Variants in KLHL41 observed in about 807,000 individuals in gnomAD.
The protein encoded by KLHL41 is kelch-like protein 41.
In KLHL41, 31 loss-of-function variants were observed where a neutral mutation model predicts 49.2. The observed-to-expected ratio is 0.63, with a 90% CI of 0.47 to 0.85. The LOEUF (loss-of-function observed/expected upper bound fraction) is 0.85. Ranked by LOEUF, KLHL41 falls within the 40% of genes least tolerant of loss-of-function variation. The pLI is 0.00. For missense variants in KLHL41, 663 were observed against 726.7 expected (o/e 0.91, Z 1.01); for synonymous variants, 218 against 258.5 (o/e 0.84, Z 1.50).
Position 169,518,245 on chromosome 2 carries a change from C to T in KLHL41, c.1432C>T (p.Leu478=), listed in dbSNP as rs911390630. 1.9e-6 allele frequency: 3 copies of T among 1,613,966 alleles called. No homozygotes were observed. The highest frequency in any genetic ancestry group is 2.5e-6 in the Non-Finnish European group (3 of 1,179,872). The part of the protein sequence containing the change: ...FNPKKGDWKD[L]APMKIPRSMF... Reference sequence around the variant, plus strand: ...CCCCAAAAAAGGAGATTGGAAAGATCTGGCTCCAATGAAAATTCCTCGTTC... The same window carrying T: ...CCCCAAAAAAGGAGATTGGAAAGATTTGGCTCCAATGAAAATTCCTCGTTC... The change falls in exon 4 of 6, where the codon CTG becomes TTG. Residue 478 remains leucine (L), a synonymous_variant. Transcript: ENST00000284669.
chr2:169,518,620 T>G (rs974210357), intron 4 of KLHL41, among the ~76,000 whole-genome samples: 1 of 152,222 alleles, frequency 6.6e-6, no homozygotes, highest in Non-Finnish European at 1.5e-5. Flanking sequence ...GTTGTCATGC[T>G]CTATTTGTCC....
In KLHL41 at chr2:169,525,687, T is replaced by C; in HGVS notation, c.1812T>C (p.Ser604=). Reference sequence around the variant, plus strand: ...CACGTTTAAATCTCTTCAAACTGTCTAAACTGTGAACAAGGTGACAAAACA... The same window carrying C: ...CACGTTTAAATCTCTTCAAACTGTCCAAACTGTGAACAAGGTGACAAAACA... ...LATRLNLFKL[S]KL is the part of the protein sequence containing the mutation. The change falls in exon 6 of 6, where the codon TCT becomes TCC. Residue 604 remains serine (S), a synonymous_variant. Coordinates refer to ENST00000284669, the MANE Select transcript of KLHL41 (RefSeq NM_006063.3). 1.3e-6 allele frequency: 2 copies of C among 1,593,922 alleles called. No homozygotes were observed. Among genetic ancestry groups the C allele is most frequent in the Admixed American group, 1.7e-5 (1 of 59,958 alleles).
Position 169,514,940 on chromosome 2 carries a change from T to C in KLHL41, c.1355T>C (p.Leu452Pro). 1 of 1,603,754 alleles carries C rather than the reference T, an allele frequency of 6.2e-7. No individual in the cohort carries two copies. ...TCACATAAAGGGATGATATATTGTC[T>C]AGGAGGAAAGACAGATGACAAGTAA... The part of the protein sequence containing the change: ...VISHKGMIYC[L>P]GGKTDDKKCT... Residue 452 changes from leucine (L) to proline (P), a missense_variant, in exon 3 of 6, where the codon CTA (leucine) becomes CCA (proline). By Grantham distance (98) the Leu-to-Pro change is moderately conservative (BLOSUM62 -3). Around this residue, in one of 3 missense-constraint regions of KLHL41, gnomAD observed 528 missense variants for 581.0 expected, o/e 0.91. Transcript: ENST00000284669.
In KLHL41 at chr2:169,520,192, GTGTGTGTGTGTGT is replaced by G. The variant is rs1574353429; in HGVS notation, c.1563-668_1563-656del. Among the ~76,000 whole-genome samples, 5 of 145,852 alleles carry G rather than the reference GTGTGTGTGTGTGT, an allele frequency of 3.4e-5. No homozygotes were observed. The East Asian group carries it at 8.1e-4, about 24-fold the overall frequency. Reference sequence around the variant, plus strand: ...TGTGTGTGTGTGTGTGTGTGTGTGTGTGTGTGTGTGTGTGTGTAGACAGTCCATTTTGTTGCCC... The same window carrying G: ...TGTGTGTGTGTGTGTGTGTGTGTGTGGTGTAGACAGTCCATTTTGTTGCCC... On this transcript the variant is annotated intron_variant, in intron 4 of 5. Transcript: ENST00000284669.
At chr2:169,519,459 TAAG>T (rs1314816546) in intron 4 of KLHL41, among the ~76,000 whole-genome samples, 1 of 152,192 alleles carries the variant, frequency 6.6e-6, no homozygotes, top group Non-Finnish European at 1.5e-5. Context: ...TGATGTAAGT[TAAG>T]AAGCAACACA....
At chr2:169,517,519 A>G (rs1394551701) in intron 3 of KLHL41, among the ~76,000 whole-genome samples, 4 of 152,204 alleles carry the variant, frequency 2.6e-5, no homozygotes, top group Non-Finnish European at 4.4e-5. Flanking sequence ...TGGGAGGATC[A>G]CTTGAGCCCT....
intron 3 of KLHL41, among the ~76,000 whole-genome samples, chr2:169,517,490 G>C (rs576573892): frequency 1.3e-5 from 2 of 152,220 alleles, no homozygotes; most frequent in Non-Finnish European, 2.9e-5. Context: ...TGTGTTCCCA[G>C]CTACCTGGGA....
At chr2:169,513,518 T>C (rs1008963715) in intron 1 of KLHL41, among the ~76,000 whole-genome samples, 2 of 152,214 alleles carry the variant, frequency 1.3e-5, no homozygotes, top group Non-Finnish European at 1.5e-5. Context: ...AGAATGCACA[T>C]GTGGAGATTA....
chr2:169,522,993 G>GA (rs1684224506), intron 5 of KLHL41, among the ~76,000 whole-genome samples: 3 of 151,702 alleles, frequency 2.0e-5, no homozygotes. Flanking sequence ...ACAGTGCTGG[G>GA]ATTACAGGCG....
rs1574353852 is a variant in KLHL41 at position 169,520,841 on chromosome 2, A to G, written c.1563-20A>G. 8 of 1,560,046 alleles carry G rather than the reference A, an allele frequency of 5.1e-6. No homozygotes were observed. The highest frequency in any genetic ancestry group is 4.5e-5 in the East Asian group (2 of 44,606). On this transcript the variant is annotated intron_variant, in intron 4 of 5. Transcript: ENST00000284669. ...CATTTCTTTAAGTTTTACATTGACT[A>G]TATTTTTAATGATACCTAGATGGGA...
At chr2:169,519,304 ATAT>A (rs1330839211) in intron 4 of KLHL41, among the ~76,000 whole-genome samples, 4 of 152,290 alleles carry the variant, frequency 2.6e-5, no homozygotes, top group East Asian at 1.9e-4. Flanking sequence ...AAAAAGAGAA[ATAT>A]TATTACTTTT....
chr2:169,514,532 T>C, intron 1 of KLHL41, 42 bp from the exon 2 acceptor site: 1 of 1,565,868 alleles, frequency 6.4e-7, no homozygotes, highest in Non-Finnish European at 8.7e-7. Context: ...TTCTAATTTT[T>C]TTCTAACAGG....
At chr2:169,520,461 T>C (rs893481821) in intron 4 of KLHL41, among the ~76,000 whole-genome samples, 3 of 149,276 alleles carry the variant, frequency 2.0e-5, no homozygotes, top group African/African-American at 7.5e-5. Flanking sequence ...TGAATATTTA[T>C]TTTTTATTTA....
chr2:169,516,293 G>A (rs951256045), intron 3 of KLHL41, among the ~76,000 whole-genome samples: 7 of 152,144 alleles, frequency 4.6e-5, no homozygotes, highest in African/African-American at 1.7e-4. Context: ...TTGGGTATTA[G>A]TCAATTTAAA....
In KLHL41 at chr2:169,522,516, G is replaced by C. The variant is rs566220754; in HGVS notation, c.1709+1509G>C. ...GAACTAATGAAGGCCGGGAAGGTTAGGGTTTTTTGGAAAACAGGGCCAGGT... is the reference window on the plus strand; with the variant it reads ...GAACTAATGAAGGCCGGGAAGGTTACGGTTTTTTGGAAAACAGGGCCAGGT... On this transcript the variant is annotated intron_variant, in intron 5 of 5. Coordinates refer to ENST00000284669, the MANE Select transcript of KLHL41 (RefSeq NM_006063.3). 6.7e-4 allele frequency among the ~76,000 whole-genome samples: 102 copies of C among 152,142 alleles called. 2 individuals carry two copies. The South Asian group carries it at 0.021, about 31-fold the overall frequency.
chr2:169,524,275 A>T (rs1378353949), intron 5 of KLHL41, among the ~76,000 whole-genome samples: 1 of 152,176 alleles, frequency 6.6e-6, no homozygotes, highest in Non-Finnish European at 1.5e-5. Flanking sequence ...TTTCCTCTAC[A>T]TAAAAATCAG....
chr2:169,520,603 C>T (rs1302130415), intron 4 of KLHL41, among the ~76,000 whole-genome samples: 1 of 151,852 alleles, frequency 6.6e-6, no homozygotes, highest in Non-Finnish European at 1.5e-5. Context: ...AAGTGCGCGC[C>T]ACCGTGCCTG....
In KLHL41 at chr2:169,510,530, AAATC is replaced by A. The variant is rs1284392987; in HGVS notation, c.755_758del (p.Ile252LysfsTer3). On this transcript the variant is annotated frameshift_variant, in exon 1 of 6. Coordinates refer to ENST00000284669, the MANE Select transcript of KLHL41 (RefSeq NM_006063.3). LOFTEE classifies it high-confidence loss of function. The surrounding 1 kb of genome is among the most constrained non-coding windows in gnomAD (Gnocchi z 4.2). ...AAAAGCAACCCAGACCTCCAGAAAAAAATCAAAGTTCTAAAAGATGCTTTCGCAG... is the reference window on the plus strand; with the variant it reads ...AAAAGCAACCCAGACCTCCAGAAAAAAAAGTTCTAAAAGATGCTTTCGCAG... 1 of 1,613,494 alleles carries A rather than the reference AAATC, an allele frequency of 6.2e-7. No individual in the cohort carries two copies. The highest frequency in any genetic ancestry group is 1.3e-5 in the African/African-American group (1 of 74,902).
chr2:169,521,341 G>C (rs1684200495), intron 5 of KLHL41, among the ~76,000 whole-genome samples: 1 of 152,088 alleles, frequency 6.6e-6, no homozygotes, highest in African/African-American at 2.4e-5. Context: ...CTTTGCTCCA[G>C]AGTAGTTTAT....
Sources: allele counts gnomAD v4.1 joint callset (sites outside exome capture counted in the v4.1 genomes callset), GRCh38; gene constraint gnomAD v4.1.1; regional missense constraint gnomAD v4.1.1; non-coding constraint Gnocchi (gnomAD v3.1); transcripts MANE v1.5; gene names NCBI Gene and HGNC (gene_info 2026-07-23, HGNC 2026-07-21).